TTC29: variants seen among roughly 807,000 people sequenced by gnomAD.
TTC29 encodes tetratricopeptide repeat protein 29.
Under a neutral mutation model 58.1 loss-of-function variants are expected in TTC29, and 49 were observed. The ratio of observed to expected loss-of-function variants is 0.84; its 90% CI spans 0.67 to 1.07. The LOEUF is 1.07. TTC29 is among the 50% of genes least tolerant of loss of function. The pLI is 0.00. For missense variants in TTC29, 582 were observed against 555.6 expected (o/e 1.05, Z -0.48); for synonymous variants, 209 against 196.8 (o/e 1.06, Z -0.52).
intron 11 of TTC29, among the ~76,000 whole-genome samples, chr4:146,717,309 C>T (rs2149999607): frequency 6.6e-6 from 1 of 152,222 alleles, no homozygotes; most frequent in African/African-American, 2.4e-5. Context: ...GATGGAGTCT[C>T]ACTCTGTCGC....
intron 11 of TTC29, among the ~76,000 whole-genome samples, chr4:146,719,929 G>GC (rs1372604537): frequency 9.9e-5 from 15 of 152,144 alleles, no homozygotes; most frequent in Non-Finnish European, 1.8e-4. Context: ...CCACGTAAGT[G>GC]AAACTTGGTA....
At chr4:146,829,529 G>T (rs1728026098) in intron 9 of TTC29, among the ~76,000 whole-genome samples, 1 of 152,100 alleles carries the variant, frequency 6.6e-6, no homozygotes, top group African/African-American at 2.4e-5. Context: ...GCAAAAAGCT[G>T]TTCTTAATTT....
intron 11 of TTC29, among the ~76,000 whole-genome samples, chr4:146,730,469 G>A (rs1342707484): frequency 6.6e-6 from 1 of 152,106 alleles, no homozygotes; most frequent in African/African-American, 2.4e-5. Flanking sequence ...AATATTTAAG[G>A]TCATGAAATT....
At chr4:146,728,230 G>A (rs1290033498) in intron 11 of TTC29, among the ~76,000 whole-genome samples, 1 of 151,672 alleles carries the variant, frequency 6.6e-6, no homozygotes, top group Admixed American at 6.6e-5. Context: ...AGGTTGCAGT[G>A]AGCCTAGATG....
intron 2 of TTC29, 81 bp from the exon 3 acceptor site, chr4:146,939,982 C>T (rs1027959889): frequency 2.9e-6 from 4 of 1,359,172 alleles, no homozygotes; most frequent in Non-Finnish European, 4.0e-6. Context: ...TAGAGATTTA[C>T]AGTCTGTCAT....
chr4:146,762,516 C>G (rs762027885), intron 11 of TTC29, among the ~76,000 whole-genome samples: 1 of 151,808 alleles, frequency 6.6e-6, no homozygotes, highest in Non-Finnish European at 1.5e-5. Flanking sequence ...AATTAGGGTT[C>G]ACTGAAACAG....
At chr4:146,759,806 A>G (rs1746732148) in intron 11 of TTC29, among the ~76,000 whole-genome samples, 1 of 152,284 alleles carries the variant, frequency 6.6e-6, no homozygotes, top group Non-Finnish European at 1.5e-5. Flanking sequence ...AAAGCCATCT[A>G]TGACAAACCC....
Position 146,937,647 on chromosome 4 carries a change from T to C in TTC29, c.123A>G (p.Ile41Met). 1 of 1,537,634 alleles carries C rather than the reference T, an allele frequency of 6.5e-7. No homozygotes were observed. The highest frequency in any genetic ancestry group is 8.8e-7 in the Non-Finnish European group (1 of 1,137,394). Residue 41 changes from isoleucine to methionine, a missense_variant, in exon 4 of 13, where the codon ATA becomes ATG. Physicochemically the swap from Ile to Met is conservative, Grantham distance 10. Transcript: ENST00000325106. Reference sequence around the variant, plus strand: ...TGAAATTTACCTCTAGATAATGATCTATGTCATCTTTTTCTTTGATCAATT... The same window carrying C: ...TGAAATTTACCTCTAGATAATGATCCATGTCATCTTTTTCTTTGATCAATT... ...RSQLIKEKDD[I>M]DHYLEVNFKG...
At chr4:146,939,038 T>C (rs1032644474) in intron 3 of TTC29, among the ~76,000 whole-genome samples, 1 of 152,190 alleles carries the variant, frequency 6.6e-6, no homozygotes, top group Non-Finnish European at 1.5e-5. Flanking sequence ...TGATGATGCA[T>C]TTTCAAGCCC....
At chr4:146,877,133 T>C (rs1294551944) in intron 6 of TTC29, among the ~76,000 whole-genome samples, 1 of 152,044 alleles carries the variant, frequency 6.6e-6, no homozygotes, top group Non-Finnish European at 1.5e-5. Flanking sequence ...GAAGCCGATC[T>C]TGTTACATAA....
chr4:146,904,477 C>T (rs577917373), intron 5 of TTC29, among the ~76,000 whole-genome samples: 12 of 151,988 alleles, frequency 7.9e-5, no homozygotes, highest in South Asian at 4.2e-4. Context: ...AAAATGTGTC[C>T]GTCAATTGTG....
rs766020794 is a variant in TTC29, at chr4:146,909,180, G to A, written c.246C>T (p.Thr82=). The A allele has an allele frequency of 5.1e-5, 83 of 1,613,614 alleles. No individual in the cohort carries two copies. The highest frequency in any genetic ancestry group is 1.6e-4 in the Middle Eastern group (1 of 6,080). Residue 82 remains threonine, a synonymous_variant, in exon 5 of 13, where the codon ACC becomes ACT. Transcript: ENST00000325106. ...MLRDGYHKSF[T]ELFALMERWD... ...ACCGCTCCATCAGAGCGAAGAGCTC[G>A]GTGAAGGACTTATGATAACCATCTC...
chr4:146,938,361 C>T (rs16998702), intron 3 of TTC29, among the ~76,000 whole-genome samples: 11,391 of 152,030 alleles, frequency 0.075, 1,456 homozygotes, highest in African/African-American at 0.26. Context: ...CAAACTTTGC[C>T]TTTTGTGGGT....
At chr4:146,790,846 T>A (rs1749397892) in intron 11 of TTC29, among the ~76,000 whole-genome samples, 1 of 152,162 alleles carries the variant, frequency 6.6e-6, no homozygotes, top group Non-Finnish European at 1.5e-5. Context: ...CCTTAATAGT[T>A]CTCATGACAA....
At chr4:146,904,535 T>A (rs1022727255) in intron 5 of TTC29, among the ~76,000 whole-genome samples, 1 of 152,174 alleles carries the variant, frequency 6.6e-6, no homozygotes, top group Non-Finnish European at 1.5e-5. Context: ...AACGAATATG[T>A]CTGTGTGTTA....
At chr4:146,901,255 C>T (rs1733128536) in intron 6 of TTC29, among the ~76,000 whole-genome samples, 1 of 152,138 alleles carries the variant, frequency 6.6e-6, no homozygotes, top group Admixed American at 6.5e-5. Context: ...GATATAACTT[C>T]TCAATTTATA....
intron 11 of TTC29, among the ~76,000 whole-genome samples, chr4:146,760,844 C>CTATA (rs200707708): frequency 7.3e-6 from 1 of 136,770 alleles, no homozygotes; most frequent in Non-Finnish European, 1.5e-5. Flanking sequence ...TGATGGAATA[C>CTATA]TATATATATA....
At chr4:146,711,417 C>T (rs1275179367) in intron 11 of TTC29, among the ~76,000 whole-genome samples, 3 of 152,200 alleles carry the variant, frequency 2.0e-5, no homozygotes, top group South Asian at 2.1e-4. Flanking sequence ...TGATTACATT[C>T]GTATATCATA....
In TTC29 at chr4:146,919,748, C is replaced by A. The variant is rs1439991154; in HGVS notation, c.177-10499G>T. Among the ~76,000 whole-genome samples, 4 of 150,956 alleles carry A rather than the reference C, an allele frequency of 2.6e-5. No homozygotes were observed. In the East Asian group the frequency reaches 7.7e-4, roughly 29 times the overall value. On this transcript the variant is annotated intron_variant, in intron 4 of 12. Coordinates refer to ENST00000325106, the MANE Select transcript of TTC29 (RefSeq NM_031956.4). ...CTCAAATAACATCATTTAAAATTTT[C>A]TTTTAGTTTTCTACACAGCATTATA...
Sources: allele counts gnomAD v4.1 joint callset (sites outside exome capture counted in the v4.1 genomes callset), GRCh38; gene constraint gnomAD v4.1.1; transcripts MANE v1.5; gene names NCBI Gene and HGNC (gene_info 2026-07-23, HGNC 2026-07-21).